Variants in HSF5 observed in about 807,000 individuals in gnomAD.
HSF5 encodes the protein heat shock factor protein 5.
In HSF5, 5 loss-of-function variants were observed where a neutral mutation model predicts 50.8. That is an observed-to-expected ratio of 0.10 (90% CI 0.05 to 0.21). HSF5 has a LOEUF of 0.21. Among genes scored for constraint, HSF5 ranks in the 10% least tolerant of loss-of-function variants. The pLI is 1.00. For missense variants in HSF5, 564 were observed against 762.6 expected (o/e 0.74, Z 3.07); for synonymous variants, 307 against 307.4 (o/e 1.00, Z 0.02).
In HSF5 at chr17:58,486,725, T is replaced by C. The variant is rs115749837; in HGVS notation, c.550+1000A>G. Among the ~76,000 whole-genome samples, 1,453 of 152,184 alleles carry C rather than the reference T, an allele frequency of 9.5e-3. 19 individuals carry two copies. Among genetic ancestry groups the C allele is most frequent in the African/African-American group, 0.033 (1,371 of 41,522 alleles). On this transcript the variant is annotated intron_variant, in intron 1 of 5. Coordinates refer to ENST00000323777, the MANE Select transcript of HSF5 (RefSeq NM_001080439.3). Reference sequence around the variant, plus strand: ...TTGCTCTTAAGGTATATAAACAACGTCTACCATTCTACACATTAACCAGAA... The same window carrying C: ...TTGCTCTTAAGGTATATAAACAACGCCTACCATTCTACACATTAACCAGAA...
Position 58,479,962 on chromosome 17 carries a change from C to A in HSF5, c.856G>T (p.Val286Phe). 1.2e-6 allele frequency: 2 copies of A among 1,613,930 alleles called. No homozygotes were observed. Among genetic ancestry groups the A allele is most frequent in the Non-Finnish European group, 1.7e-6 (2 of 1,179,940 alleles). ...VHVQQGPQTMVSSSQKYSNYT... is the reference protein window; with the variant it reads ...VHVQQGPQTMFSSSQKYSNYT... ...TTACTGTATTTTTGGGAGGAGCTGA[C>A]CATTGTTTGAGGACCTTGTTGAACA... The change falls in exon 2 of 6, where the codon GTC becomes TTC. Residue 286 changes from valine to phenylalanine, a missense_variant. By Grantham distance (50) the Val-to-Phe change is conservative. Around this residue, in one of 5 missense-constraint regions of HSF5, gnomAD observed 441 missense variants for 533.6 expected, o/e 0.83. Coordinates refer to ENST00000323777, the MANE Select transcript of HSF5 (RefSeq NM_001080439.3).
intron 5 of HSF5, among the ~76,000 whole-genome samples, chr17:58,439,263 G>C (rs1263085303): frequency 1.3e-5 from 2 of 148,444 alleles, no homozygotes; most frequent in Non-Finnish European, 3.0e-5. Context: ...AGGGAAGAAA[G>C]CCAATGGAAA....
At chr17:58,472,770 T>A (rs1974964994) in intron 2 of HSF5, among the ~76,000 whole-genome samples, 1 of 152,048 alleles carries the variant, frequency 6.6e-6, no homozygotes, top group Admixed American at 6.6e-5. Flanking sequence ...TGTAGGGGGA[T>A]ACAGAAATGA....
chr17:58,465,837 C>T (rs1220211161), intron 3 of HSF5, among the ~76,000 whole-genome samples: 2 of 152,078 alleles, frequency 1.3e-5, no homozygotes, highest in Non-Finnish European at 2.9e-5. Context: ...TAACTCCAAG[C>T]AAGTGTCTCC....
intron 2 of HSF5, among the ~76,000 whole-genome samples, chr17:58,468,301 G>C (rs1434779147): frequency 1.3e-5 from 2 of 152,156 alleles, no homozygotes; most frequent in African/African-American, 4.8e-5. Context: ...AGGAGGCTCA[G>C]GTGGGAGGAT....
intron 4 of HSF5, among the ~76,000 whole-genome samples, chr17:58,461,303 T>C (rs1410791424): frequency 6.6e-6 from 1 of 151,852 alleles, no homozygotes; most frequent in Non-Finnish European, 1.5e-5. Context: ...ATTTACAATA[T>C]TATCTTAACA....
intron 3 of HSF5, 45 bp from the exon 4 acceptor site, chr17:58,463,348 T>C (rs748265819): frequency 6.7e-7 from 1 of 1,483,514 alleles, no homozygotes; most frequent in Non-Finnish European, 9.3e-7. Context: ...AAATAAAATA[T>C]GAGATTAAGG....
At chr17:58,450,282 T>C (rs1974618637) in intron 5 of HSF5, among the ~76,000 whole-genome samples, 2 of 130,106 alleles carry the variant, frequency 1.5e-5, no homozygotes, top group South Asian at 4.6e-4. Context: ...GAGTTTGCAG[T>C]GAGCCAAGAT....
intron 5 of HSF5, among the ~76,000 whole-genome samples, chr17:58,440,416 C>A (rs1427128369): frequency 6.6e-6 from 1 of 152,174 alleles, no homozygotes; most frequent in Non-Finnish European, 1.5e-5. Context: ...AGGCTCTGAA[C>A]TGGATTAAGG....
At chr17:58,450,328 G>A (rs1457630095) in intron 5 of HSF5, among the ~76,000 whole-genome samples, 3 of 87,952 alleles carry the variant, frequency 3.4e-5, no homozygotes, top group Non-Finnish European at 6.0e-5. Flanking sequence ...GAGAGAGTGA[G>A]ACTTTGTCTC....
rs191649096 is a variant in HSF5, at chr17:58,440,417, T to G, written c.1721-17987A>C. Among the ~76,000 whole-genome samples the G allele has an allele frequency of 3.2e-3, 494 of 152,298 alleles. 2 individuals carry two copies. The highest frequency in any genetic ancestry group is 0.011 in the African/African-American group (467 of 41,524). On this transcript the variant is annotated intron_variant, in intron 5 of 5. Coordinates refer to ENST00000323777, the MANE Select transcript of HSF5 (RefSeq NM_001080439.3). ...GTCAGAAAAATCTCAGGCTCTGAAC[T>G]GGATTAAGGTGATCCCTAATTGCCA...
At chr17:58,445,402 A>C (rs1372040227) in intron 5 of HSF5, among the ~76,000 whole-genome samples, 1 of 152,190 alleles carries the variant, frequency 6.6e-6, no homozygotes, top group Non-Finnish European at 1.5e-5. Flanking sequence ...CAACATTGTG[A>C]GGCCTCATCT....
intron 5 of HSF5, among the ~76,000 whole-genome samples, chr17:58,445,775 A>T (rs907423620): frequency 2.0e-5 from 3 of 152,170 alleles, no homozygotes; most frequent in Admixed American, 6.5e-5. Context: ...CAGATTTGCA[A>T]GATAAAAATG....
intron 1 of HSF5, among the ~76,000 whole-genome samples, chr17:58,485,155 A>G (rs1975152238): frequency 1.3e-5 from 2 of 151,696 alleles, no homozygotes; most frequent in Admixed American, 1.3e-4. Flanking sequence ...GGGTTTCACC[A>G]TGTTGGCCAG....
intron 5 of HSF5, among the ~76,000 whole-genome samples, chr17:58,456,268 T>C (rs1487471795): frequency 6.6e-6 from 1 of 152,042 alleles, no homozygotes; most frequent in Admixed American, 6.5e-5. Flanking sequence ...TTTGGCAACA[T>C]AGGTGAACCT....
chr17:58,436,909 G>A (rs144253296), intron 5 of HSF5, among the ~76,000 whole-genome samples: 169 of 150,354 alleles, frequency 1.1e-3, no homozygotes, highest in African/African-American at 3.7e-3. Context: ...AAGCAACATG[G>A]CAGAGGACCA....
rs550857878 is a variant in HSF5 at position 58,463,421 on chromosome 17, C to CT, written c.1021-119dup. 1.8e-5 allele frequency: 14 copies of CT among 766,502 alleles called. No homozygotes were observed. The South Asian group carries it at 2.3e-4, about 12-fold the overall frequency. 47.5% of individuals were successfully genotyped at this position (766,502 alleles called of 1,614,324 possible). Reference sequence around the variant, plus strand: ...ATAAATAGATTAAACTTAAAGATCACTAAGAAAACCTAGACACTAATCTAC... The same window carrying CT: ...ATAAATAGATTAAACTTAAAGATCACTTAAGAAAACCTAGACACTAATCTAC... On this transcript the variant is annotated intron_variant, in intron 3 of 5. Coordinates refer to ENST00000323777, the MANE Select transcript of HSF5 (RefSeq NM_001080439.3).
chr17:58,468,118 C>T (rs1444245196), intron 2 of HSF5, among the ~76,000 whole-genome samples: 2 of 152,262 alleles, frequency 1.3e-5, no homozygotes, highest in South Asian at 2.1e-4. Context: ...CACAATACAG[C>T]GAGGCATGGT....
At chr17:58,481,957 G>A (rs1010607321) in intron 1 of HSF5, among the ~76,000 whole-genome samples, 4 of 152,128 alleles carry the variant, frequency 2.6e-5, no homozygotes, top group African/African-American at 9.7e-5. Flanking sequence ...CTGAGATTGA[G>A]CCACTGTACT....
Sources: gnomAD v4.1 joint callset for allele counts (sites outside exome capture counted in the v4.1 genomes callset) on GRCh38, gnomAD v4.1.1 for gene constraint, gnomAD v4.1.1 regional missense constraint, MANE v1.5 for transcripts, NCBI Gene and HGNC (gene_info 2026-07-23, HGNC 2026-07-21) for gene names.